CD37: variants seen among roughly 807,000 people sequenced by gnomAD.
The protein encoded by CD37 is CD37 molecule.
CD37 carries 37 observed loss-of-function variants against 38.9 expected under a neutral mutation model. That is an observed-to-expected ratio of 0.95 (90% CI 0.73 to 1.25). The LOEUF is 1.25. CD37 is among the 50% of genes most tolerant of loss of function. The probability of loss-of-function intolerance (pLI) is 0.00; values close to 1 mark genes in which losing one functional copy is unlikely to be tolerated. For synonymous variants in CD37, 146 were observed against 150.1 expected (o/e 0.97, Z 0.20); for missense variants, 351 against 360.1 (o/e 0.97, Z 0.20).
intron 2 of CD37, 90 bp from the exon 3 acceptor site, chr19:49,336,819 G>T (rs1406882921): frequency 2.1e-6 from 3 of 1,425,650 alleles, no homozygotes; most frequent in African/African-American, 2.8e-5. Flanking sequence ...CCAAGATACT[G>T]CTCCCCACTT....
Position 49,338,198 on chromosome 19 carries a change from C to A in CD37, c.447+169C>A. The A allele has an allele frequency of 4.9e-6, 7 of 1,434,906 alleles. No homozygotes were observed. The highest frequency in any genetic ancestry group is 5.0e-5 in the East Asian group (2 of 39,824). 88.9% of individuals were successfully genotyped at this position (1,434,906 alleles called of 1,614,324 possible). On this transcript the variant is annotated intron_variant, in intron 5 of 7. Transcript: ENST00000323906. The surrounding 1 kb of genome is among the most constrained non-coding windows in gnomAD (Gnocchi z 5.0). ...CCCCAGATGACACAACTGTCCCCGGCGTCGCCTGGTCTCCCAGTACCCAGA... is the reference window on the plus strand; with the variant it reads ...CCCCAGATGACACAACTGTCCCCGGAGTCGCCTGGTCTCCCAGTACCCAGA...
Position 49,338,822 on chromosome 19 carries a change from C to T in CD37, c.570C>T (p.Ser190=), listed in dbSNP as rs1045319915. The change falls in exon 6 of 8, where the codon TCC becomes TCT. Residue 190 remains serine, a synonymous_variant. Coordinates refer to ENST00000323906, the MANE Select transcript of CD37 (RefSeq NM_001774.3). The surrounding 1 kb of genome is among the most constrained non-coding windows in gnomAD (Gnocchi z 5.0). ...ACAACTTGTCGGCGACCAACGACTCCACAATCCTAGATAAGGTGATCTTGC... is the reference window on the plus strand; with the variant it reads ...ACAACTTGTCGGCGACCAACGACTCTACAATCCTAGATAAGGTGATCTTGC... ...SCYNLSATND[S]TILDKVILPQ... 2 of 1,614,094 alleles carry T rather than the reference C, an allele frequency of 1.2e-6. No individual in the cohort carries two copies. Among genetic ancestry groups the T allele is most frequent in the South Asian group, 1.1e-5 (1 of 91,082 alleles).
Position 49,340,463 on chromosome 19 carries a change from C to A in CD37, c.*135C>A. ...CACATTCCCCTGGGGACCCACGTGGCTGCGTGCCCCTGCTGCTGTCACCTC... is the reference window on the plus strand; with the variant it reads ...CACATTCCCCTGGGGACCCACGTGGATGCGTGCCCCTGCTGCTGTCACCTC... On this transcript the variant is annotated 3_prime_UTR_variant, in exon 8 of 8. Coordinates refer to ENST00000323906, the MANE Select transcript of CD37 (RefSeq NM_001774.3). 1.4e-6 allele frequency: 1 copy of A among 697,948 alleles called. No individual in the cohort carries two copies. The highest frequency in any genetic ancestry group is 1.6e-5 in the South Asian group (1 of 64,042). The allele number at this position is 697,948 out of a possible 1,614,324, so 43.2% of individuals were successfully genotyped here. A position where few individuals can be genotyped will look rare whatever the true frequency, so the allele number is the denominator to read the frequency against.
chr19:49,340,025 T>A lies in CD37; in HGVS notation c.769-226T>A, dbSNP rs568401934. On this transcript the variant is annotated intron_variant, in intron 7 of 7. Transcript: ENST00000323906. ...AAGGACCCTGGGCTTGCTTCCGACC[T>A]TACTCCTTCTCAGCCTCTACCCCCA... is the stretch of plus-strand genomic sequence containing the variant. 199 of 1,480,394 alleles carry A rather than the reference T, an allele frequency of 1.3e-4. 5 individuals are homozygous for A. The South Asian group carries it at 2.6e-3, about 19-fold the overall frequency. 91.7% of individuals were successfully genotyped at this position (1,480,394 alleles called of 1,614,324 possible). A position where few individuals can be genotyped will look rare whatever the true frequency, so the allele number is the denominator to read the frequency against.
rs1360775520 is a variant in CD37, at chr19:49,335,930, A to T, written c.142+144A>T. On this transcript the variant is annotated intron_variant, in intron 2 of 7. Coordinates refer to ENST00000323906, the MANE Select transcript of CD37 (RefSeq NM_001774.3). The surrounding 1 kb of genome is among the most constrained non-coding windows in gnomAD (Gnocchi z 4.6). ...CCACTGCTCACCGGAGGCTTCTTGG[A>T]GCCTGAGTCTTCTTCCGGCAAATGG... The T allele has an allele frequency of 1.7e-5, 12 of 695,072 alleles. No homozygotes were observed. The South Asian group carries it at 2.0e-4, about 11-fold the overall frequency. 43.1% of individuals were successfully genotyped at this position (695,072 alleles called of 1,614,324 possible). A position where few individuals can be genotyped will look rare whatever the true frequency, so the allele number is the denominator to read the frequency against.
At chr19:49,337,877 G>C in intron 4 of CD37, 48 bp from the exon 5 acceptor site, 1 of 1,610,702 alleles carries the variant, frequency 6.2e-7, no homozygotes, top group Non-Finnish European at 8.5e-7. Context: ...GAGAGGGGGA[G>C]GGGTGGGGCG....
rs1205460621 is a variant in CD37, at chr19:49,339,636, T to C, written c.768+223T>C. ...GAAAGCCTCCTGCTATTGGCTGCGA[T>C]CTCCCTCCCCTTTCTCCGCAGATGA... is the stretch of plus-strand genomic sequence containing the variant. On this transcript the variant is annotated intron_variant, in intron 7 of 7. Transcript: ENST00000323906. The surrounding 1 kb of genome is among the most constrained non-coding windows in gnomAD (Gnocchi z 4.5). The C allele has an allele frequency of 2.0e-5, 28 of 1,430,090 alleles. 1 individual carries two copies. In the South Asian group the frequency reaches 3.0e-4, roughly 15 times the overall value. 88.6% of individuals were successfully genotyped at this position (1,430,090 alleles called of 1,614,324 possible). A position where few individuals can be genotyped will look rare whatever the true frequency, so the allele number is the denominator to read the frequency against.
Position 49,340,394 on chromosome 19 carries a change from T to A in CD37, c.*66T>A. ...GCGCTGGGCACTTCCCTGCTGCCTG[T>A]AAATATTTGTTTAATCCCCAGTTCG... On this transcript the variant is annotated 3_prime_UTR_variant, in exon 8 of 8. Transcript: ENST00000323906. The A allele has an allele frequency of 9.0e-7, 1 of 1,111,024 alleles. No homozygotes were observed. Among genetic ancestry groups the A allele is most frequent in the South Asian group, 1.2e-5 (1 of 80,686 alleles). 68.8% of individuals were successfully genotyped at this position (1,111,024 alleles called of 1,614,324 possible).
intron 7 of CD37, chr19:49,340,008 TGG>T (rs1971153037): frequency 1.4e-6 from 2 of 1,459,336 alleles, no homozygotes; most frequent in Non-Finnish European, 1.8e-6. Flanking sequence ...TAAAGGACCC[TGG>T]GCTTGCTTCC....
chr19:49,336,277 CGGGCGCG>C (rs142685698), intron 2 of CD37: 8,841 of 161,378 alleles, frequency 0.055, 311 homozygotes, highest in Non-Finnish European at 0.079. Context: ...CCCTAGGGGC[CGGGCGCG>C]GTGGCTCACA....
rs754974536 is a variant in CD37, at chr19:49,338,964, G to C, written c.684+28G>C. 6.4e-7 allele frequency: 1 copy of C among 1,560,368 alleles called. No individual in the cohort carries two copies. The highest frequency in any genetic ancestry group is 8.8e-7 in the Non-Finnish European group (1 of 1,132,764). ...GGGCAGGGGTTCGGAGCATAAACCT[G>C]TCGAATGGGGCGGGGCCTGCGGGAG... On this transcript the variant is annotated intron_variant, in intron 6 of 7. Transcript: ENST00000323906. The surrounding 1 kb of genome is among the most constrained non-coding windows in gnomAD (Gnocchi z 5.0).
intron 2 of CD37, chr19:49,336,628 A>C (rs775951143): frequency 1.9e-5 from 7 of 375,954 alleles, no homozygotes; most frequent in Non-Finnish European, 3.4e-5. Context: ...AGCCAATGTC[A>C]CAGAACAAGT....
intron 4 of CD37, 57 bp from the exon 5 acceptor site, chr19:49,337,868 A>C: frequency 1.4e-6 from 2 of 1,423,902 alleles, no homozygotes; most frequent in Non-Finnish European, 1.9e-6. Context: ...GCACAGCCTG[A>C]GAGGGGGAGG....
Position 49,335,664 on chromosome 19 carries a change from C to T in CD37, c.70-50C>T. On this transcript the variant is annotated intron_variant, in intron 1 of 7. Coordinates refer to ENST00000323906, the MANE Select transcript of CD37 (RefSeq NM_001774.3). The surrounding 1 kb of genome is among the most constrained non-coding windows in gnomAD (Gnocchi z 4.6). Reference sequence around the variant, plus strand: ...GCCCAGCCCCTGCCGCTAACCCAGCCCTCATCTTCCCCTGTGGCCCACCCC... The same window carrying T: ...GCCCAGCCCCTGCCGCTAACCCAGCTCTCATCTTCCCCTGTGGCCCACCCC... The T allele has an allele frequency of 1.9e-6, 3 of 1,610,108 alleles. No individual in the cohort carries two copies. Among genetic ancestry groups the T allele is most frequent in the Non-Finnish European group, 2.5e-6 (3 of 1,176,480 alleles).
At chr19:49,340,124 T>A in intron 7 of CD37, 127 bp from the exon 8 acceptor site, 2 of 1,533,708 alleles carry the variant, frequency 1.3e-6, no homozygotes, top group Admixed American at 1.8e-5. Flanking sequence ...TTTCTACCTA[T>A]CCCCTTCTCC....
chr19:49,338,610 G>A lies in CD37; in HGVS notation c.448-90G>A. 3.2e-6 allele frequency: 3 copies of A among 936,446 alleles called. No homozygotes were observed. The highest frequency in any genetic ancestry group is 5.1e-6 in the Non-Finnish European group (3 of 588,490). 58.0% of individuals were successfully genotyped at this position (936,446 alleles called of 1,614,324 possible). A position where few individuals can be genotyped will look rare whatever the true frequency, so the allele number is the denominator to read the frequency against. ...CCCACCACTTAGTCCCCTGCTCCCC[G>A]ACCTGACCTCATACCCATCACCTTG... On this transcript the variant is annotated intron_variant, in intron 5 of 7. Transcript: ENST00000323906. This position sits in a 1 kb window ranked among gnomAD's most constrained non-coding sequence, Gnocchi z 5.0.
intron 7 of CD37, chr19:49,340,007 C>T (rs1260617410): frequency 6.9e-7 from 1 of 1,459,304 alleles, no homozygotes; most frequent in Non-Finnish European, 9.0e-7. Flanking sequence ...ATAAAGGACC[C>T]TGGGCTTGCT....
rs1374948402 is a variant in CD37 at position 49,338,259 on chromosome 19, C to G, written c.447+230C>G. 8.5e-7 allele frequency: 1 copy of G among 1,178,992 alleles called. No individual in the cohort carries two copies. Among genetic ancestry groups the G allele is most frequent in the African/African-American group, 1.6e-5 (1 of 62,794 alleles). 73.0% of individuals were successfully genotyped at this position (1,178,992 alleles called of 1,614,324 possible). On this transcript the variant is annotated intron_variant, in intron 5 of 7. Coordinates refer to ENST00000323906, the MANE Select transcript of CD37 (RefSeq NM_001774.3). This position sits in a 1 kb window ranked among gnomAD's most constrained non-coding sequence, Gnocchi z 5.0. ...GCTTCGCCATCTACCTCGAGAGACTCCGCCCCCGCCCCCGCCCCGACCAGA... is the reference window on the plus strand; with the variant it reads ...GCTTCGCCATCTACCTCGAGAGACTGCGCCCCCGCCCCCGCCCCGACCAGA...
In CD37 at chr19:49,339,724, G is replaced by C. The variant is rs776362564; in HGVS notation, c.768+311G>C. On this transcript the variant is annotated intron_variant, in intron 7 of 7. Transcript: ENST00000323906. The surrounding 1 kb of genome is among the most constrained non-coding windows in gnomAD (Gnocchi z 4.5). ...ACTCCGCCGGAAATGCGAGCCGCAC[G>C]TGCCGGGCGCTGGGGATTCGAGCCC... 3.6e-6 allele frequency: 5 copies of C among 1,400,750 alleles called. No homozygotes were observed. The highest frequency in any genetic ancestry group is 2.6e-4 in the Middle Eastern group (1 of 3,812). 86.8% of individuals were successfully genotyped at this position (1,400,750 alleles called of 1,614,324 possible).
Sources: gnomAD v4.1 joint callset for allele counts on GRCh38, gnomAD v4.1.1 for gene constraint, Gnocchi (gnomAD v3.1) non-coding constraint, MANE v1.5 for transcripts, NCBI Gene and HGNC (gene_info 2026-07-23, HGNC 2026-07-21) for gene names.